Variants in PRKCE observed in about 807,000 individuals in gnomAD.
PRKCE encodes protein kinase C epsilon, also known as protein kinase C epsilon type.
Under a neutral mutation model 85.4 loss-of-function variants are expected in PRKCE, and 16 were observed. The observed-to-expected ratio is 0.19, with a 90% CI of 0.13 to 0.28. The LOEUF (loss-of-function observed/expected upper bound fraction) is 0.28. Ranked by LOEUF, PRKCE falls within the 10% of genes least tolerant of loss-of-function variation. PRKCE has a pLI of 1.00. For missense variants in PRKCE, 573 were observed against 975.2 expected (o/e 0.59, Z 5.49); for synonymous variants, 388 against 371.5 (o/e 1.04, Z -0.51).
chr2:45,940,016 C>T (rs1304607074), intron 2 of PRKCE, among the ~76,000 whole-genome samples: 4 of 152,202 alleles, frequency 2.6e-5, no homozygotes, highest in Non-Finnish European at 5.9e-5. Flanking sequence ...CCAGTACAGC[C>T]TCAGAGAGTC....
intron 10 of PRKCE, among the ~76,000 whole-genome samples, chr2:46,038,574 G>A (rs1708020174): frequency 6.6e-6 from 1 of 150,384 alleles, no homozygotes; most frequent in Admixed American, 6.7e-5. Flanking sequence ...CCTCCCAAAT[G>A]TTCTACCAAT....
chr2:45,906,435 A>G (rs1696979520), intron 2 of PRKCE, among the ~76,000 whole-genome samples: 1 of 152,236 alleles, frequency 6.6e-6, no homozygotes, highest in Admixed American at 6.5e-5. Flanking sequence ...TACATTTACT[A>G]AAGCAAAAAC....
intron 1 of PRKCE, among the ~76,000 whole-genome samples, chr2:45,672,450 CCAGCCAGCCAGCCAGCTGGA>C (rs1676220969): frequency 6.6e-6 from 1 of 152,216 alleles, no homozygotes; most frequent in Non-Finnish European, 1.5e-5. Flanking sequence ...ATCCATCCAG[CCAGCCAGCCAGCCAGCTGGA>C]CAGCCAGGCA....
intron 10 of PRKCE, among the ~76,000 whole-genome samples, chr2:46,069,696 AT>A (rs1667909580): frequency 6.6e-6 from 1 of 152,224 alleles, no homozygotes; most frequent in Non-Finnish European, 1.5e-5. Context: ...TTATAATAAA[AT>A]TAGCACAAAT....
chr2:46,093,043 T>C (rs1670332585), intron 11 of PRKCE, among the ~76,000 whole-genome samples: 1 of 152,188 alleles, frequency 6.6e-6, no homozygotes, highest in Admixed American at 6.5e-5. Flanking sequence ...CTTTAGAAAG[T>C]CACTGAGGGT....
intron 1 of PRKCE, among the ~76,000 whole-genome samples, chr2:45,777,794 C>G (rs994311179): frequency 1.3e-5 from 2 of 152,128 alleles, no homozygotes; most frequent in Non-Finnish European, 2.9e-5. Flanking sequence ...CTGCCAGAAA[C>G]TTGGTTTGCA....
At position 46,051,330 on chromosome 2, in the gene PRKCE, T is replaced by C. The variant is rs376933085; in HGVS notation, c.1438-34878T>C. Among the ~76,000 whole-genome samples, 7 of 152,310 alleles carry C rather than the reference T, an allele frequency of 4.6e-5. No individual in the cohort carries two copies. The South Asian group carries it at 6.2e-4, about 14-fold the overall frequency. On this transcript the variant is annotated intron_variant, in intron 10 of 14. Transcript: ENST00000306156. ...GCTGTCCACATGCCTCAGTGCACCA[T>C]ACACATGCTGTCACCTTCTCTCTGA...
In PRKCE at chr2:45,885,631, A is replaced by C. The variant is rs531931775; in HGVS notation, c.412+42568A>C. On this transcript the variant is annotated intron_variant, in intron 2 of 14. Coordinates refer to ENST00000306156, the MANE Select transcript of PRKCE (RefSeq NM_005400.3). ...TTTGGGCAGTGCATAATCGTAGCCC[A>C]GCCAAATTTCTCTGACTGTTGTTGA... Among the ~76,000 whole-genome samples, 28 of 152,348 alleles carry C rather than the reference A, an allele frequency of 1.8e-4. No individual in the cohort carries two copies. In the East Asian group the frequency reaches 2.5e-3, roughly 14 times the overall value.
At chr2:46,172,518 G>C (rs1003747085) in intron 14 of PRKCE, among the ~76,000 whole-genome samples, 4 of 152,244 alleles carry the variant, frequency 2.6e-5, no homozygotes, top group Admixed American at 6.5e-5. Context: ...GCCCTGGGAG[G>C]GTTTGAGGAG....
At chr2:46,095,070 A>T (rs1356712368) in intron 11 of PRKCE, among the ~76,000 whole-genome samples, 2 of 152,208 alleles carry the variant, frequency 1.3e-5, no homozygotes, top group African/African-American at 4.8e-5. Context: ...TCAGTTCTAG[A>T]AAATGTATTA....
At chr2:45,870,438 T>C (rs1479201719) in intron 2 of PRKCE, among the ~76,000 whole-genome samples, 1 of 152,250 alleles carries the variant, frequency 6.6e-6, no homozygotes, top group African/African-American at 2.4e-5. Context: ...AACCTCTTTA[T>C]ACTCAGTCAT....
chr2:46,087,070 A>G (rs1669717243), intron 11 of PRKCE, among the ~76,000 whole-genome samples: 2 of 152,022 alleles, frequency 1.3e-5, no homozygotes, highest in African/African-American at 4.8e-5. Flanking sequence ...AAGGATACTC[A>G]AGTTCCTTAA....
chr2:45,851,580 TTTTG>T (rs1692261604), intron 2 of PRKCE: 1 of 152,206 alleles, frequency 6.6e-6, no homozygotes, highest in Non-Finnish European at 1.5e-5. Flanking sequence ...AAGCTTATTA[TTTTG>T]TTTTTCTTTC....
chr2:45,892,902 G>A (rs890460213), intron 2 of PRKCE, among the ~76,000 whole-genome samples: 10 of 152,082 alleles, frequency 6.6e-5, no homozygotes, highest in African/African-American at 1.7e-4. Context: ...TGTACCCCCC[G>A]GGGTTGCTGT....
rs375853779 is a variant in PRKCE, at chr2:46,125,350, G to T, written c.1593-19743G>T. The stretch of plus-strand genomic sequence containing the variant: ...ACTGTGCCTCTCTAGAAACTCCTTT[G>T]TACCCAGCCAATAACAGTGACTTTG... On this transcript the variant is annotated intron_variant, in intron 11 of 14. Coordinates refer to ENST00000306156, the MANE Select transcript of PRKCE (RefSeq NM_005400.3). Among the ~76,000 whole-genome samples the T allele has an allele frequency of 2.1e-3, 317 of 152,304 alleles. 2 individuals carry two copies. The highest frequency in any genetic ancestry group is 7.1e-3 in the African/African-American group (295 of 41,564).
At chr2:45,793,570 G>A (rs139137444) in intron 1 of PRKCE, among the ~76,000 whole-genome samples, 6 of 152,130 alleles carry the variant, frequency 3.9e-5, no homozygotes, top group Admixed American at 3.3e-4. Context: ...AACTCCAGAC[G>A]GTGGCCTCAG....
intron 2 of PRKCE, among the ~76,000 whole-genome samples, chr2:45,886,424 G>A (rs1214287930): frequency 1.3e-5 from 2 of 152,156 alleles, no homozygotes; most frequent in Admixed American, 6.5e-5. Flanking sequence ...TTGCTTAGAG[G>A]GGACTTGGCA....
rs1424457375 is a variant in PRKCE, at chr2:46,145,170, G to A, written c.1670G>A (p.Gly557Glu). 3.1e-6 allele frequency: 5 copies of A among 1,599,598 alleles called. No individual in the cohort carries two copies. In the Admixed American group the frequency reaches 5.0e-5, roughly 16 times the overall value. Residue 557 changes from glycine to glutamate, a missense_variant, in exon 12 of 15, where the codon GGG becomes GAG. Physicochemically the swap from Gly to Glu is moderately conservative, Grantham distance 98 (BLOSUM62 -2). This residue lies in a region of PRKCE where 15 missense variants were observed against 42.2 expected (regional missense o/e 0.36). Transcript: ENST00000306156. The surrounding 1 kb of genome is among the most constrained non-coding windows in gnomAD (Gnocchi z 4.6). ...GCTGACTTCGGGATGTGCAAGGAAG[G>A]GATTCTGAATGGTGTGACGACCACC... ...KLADFGMCKE[G>E]ILNGVTTTTF...
chr2:45,762,958 T>A (rs1194096681), intron 1 of PRKCE, among the ~76,000 whole-genome samples: 1 of 32,030 alleles, frequency 3.1e-5, no homozygotes. Flanking sequence ...CTTTTCTTCT[T>A]TTTTTTTTTT....
Sources: allele counts gnomAD v4.1 joint callset (sites outside exome capture counted in the v4.1 genomes callset), GRCh38; gene constraint gnomAD v4.1.1; regional missense constraint gnomAD v4.1.1; non-coding constraint Gnocchi (gnomAD v3.1); transcripts MANE v1.5; gene names NCBI Gene and HGNC (gene_info 2026-07-23, HGNC 2026-07-21).